TMEM132C: variants seen among roughly 807,000 people sequenced by gnomAD.
The protein encoded by TMEM132C is protein phosphatase 1, regulatory subunit 152.
Under a neutral mutation model 61.4 loss-of-function variants are expected in TMEM132C, and 29 were observed. The ratio of observed to expected loss-of-function variants is 0.47; its 90% CI spans 0.35 to 0.64. TMEM132C has a LOEUF of 0.64. Ranked by LOEUF, TMEM132C falls within the 30% of genes least tolerant of loss-of-function variation. The probability of loss-of-function intolerance (pLI) is 0.00; values close to 1 mark genes in which losing one functional copy is unlikely to be tolerated. For missense variants in TMEM132C, 1,408 were observed against 1,476.9 expected, an observed-to-expected ratio of 0.95 and a Z score of 0.76; for synonymous variants, 656 against 633.1, an observed-to-expected ratio of 1.04 and a Z score of -0.54.
In TMEM132C at chr12:128,545,326, T is replaced by C. The variant is rs114223083; in HGVS notation, c.1121+1223T>C. Among the ~76,000 whole-genome samples, 679 of 152,318 alleles carry C rather than the reference T, an allele frequency of 4.5e-3. 6 individuals carry two copies. The highest frequency in any genetic ancestry group is 0.015 in the African/African-American group (642 of 41,566). ...TTTGTTCTTTTTTATGGCTGTGTAGTAGTCTATGGTGGATGTATACCAGAT... is the reference window on the plus strand; with the variant it reads ...TTTGTTCTTTTTTATGGCTGTGTAGCAGTCTATGGTGGATGTATACCAGAT... On this transcript the variant is annotated intron_variant, in intron 3 of 8. Coordinates refer to ENST00000435159, the MANE Select transcript of TMEM132C (RefSeq NM_001136103.3).
At chr12:128,409,370 A>C (rs1219565965) in intron 1 of TMEM132C, among the ~76,000 whole-genome samples, 1 of 152,052 alleles carries the variant, frequency 6.6e-6, no homozygotes, top group African/African-American at 2.4e-5. Context: ...GAATCTTGTA[A>C]ATCAGGAATC....
At chr12:128,521,553 A>G (rs1177835847) in intron 2 of TMEM132C, among the ~76,000 whole-genome samples, 1 of 151,614 alleles carries the variant, frequency 6.6e-6, no homozygotes, top group Non-Finnish European at 1.5e-5. Context: ...ACCCTAACTA[A>G]TATGCACATA....
rs369681092 is a variant in TMEM132C at position 128,624,822 on chromosome 12, C to T, written c.1305+8487C>T. Among the ~76,000 whole-genome samples, 33 of 152,224 alleles carry T rather than the reference C, an allele frequency of 2.2e-4. No homozygotes were observed. In the East Asian group the frequency reaches 4.8e-3, roughly 22 times the overall value. On this transcript the variant is annotated intron_variant, in intron 4 of 8. Coordinates refer to ENST00000435159, the MANE Select transcript of TMEM132C (RefSeq NM_001136103.3). ...TACTACAGAATGTTCATCCATGTGC[C>T]GGTTAGAATCCTACTGAGTCGGGGA... is the stretch of plus-strand genomic sequence containing the variant.
rs531992322 is a variant in TMEM132C at position 128,664,048 on chromosome 12, G to A, written c.1306-5369G>A. 4.5e-4 allele frequency among the ~76,000 whole-genome samples: 41 copies of A among 92,078 alleles called. 1 individual carries two copies. The South Asian group carries it at 0.016, about 35-fold the overall frequency. The allele number at this position is 92,078 out of a possible 152,430, so 60.4% of individuals were successfully genotyped here. On this transcript the variant is annotated intron_variant, in intron 4 of 8. Transcript: ENST00000435159. Reference sequence around the variant, plus strand: ...GGCACACGCACCCACACGCACGCACGCGGGCACTCACAGGCACACACACAT... The same window carrying A: ...GGCACACGCACCCACACGCACGCACACGGGCACTCACAGGCACACACACAT...
intron 2 of TMEM132C, among the ~76,000 whole-genome samples, chr12:128,430,926 G>A (rs1458885566): frequency 1.3e-5 from 2 of 152,086 alleles, no homozygotes; most frequent in African/African-American, 2.4e-5. Context: ...ATTGAAATTA[G>A]GCTAATGAAT....
intron 1 of TMEM132C, among the ~76,000 whole-genome samples, chr12:128,391,793 C>G (rs908470209): frequency 6.6e-6 from 1 of 152,142 alleles, no homozygotes; most frequent in Non-Finnish European, 1.5e-5. Context: ...GCATTTTGTC[C>G]CCACACAGAC....
At chr12:128,474,380 A>G (rs11059708) in intron 2 of TMEM132C, among the ~76,000 whole-genome samples, 19,274 of 152,168 alleles carry the variant, frequency 0.13, 1,724 homozygotes, top group African/African-American at 0.25. Context: ...CAGCTCCCTC[A>G]ATTGTTGCTC....
chr12:128,583,996 A>G (rs2135561373), intron 3 of TMEM132C, among the ~76,000 whole-genome samples: 1 of 152,352 alleles, frequency 6.6e-6, no homozygotes, highest in South Asian at 2.1e-4. Flanking sequence ...AGAGGCAAAA[A>G]GAAAGCTCCA....
At chr12:128,544,135 G>A in intron 3 of TMEM132C, 32 bp downstream of exon 3, 2 of 1,477,666 alleles carry the variant, frequency 1.4e-6, no homozygotes, top group Non-Finnish European at 1.8e-6. Context: ...AGCGTGTGTG[G>A]TTCCTGGTCC....
At chr12:128,315,848 G>A (rs1339994457) in intron 1 of TMEM132C, among the ~76,000 whole-genome samples, 5 of 150,856 alleles carry the variant, frequency 3.3e-5, no homozygotes, top group African/African-American at 7.4e-5. Context: ...CTGGAGTGAC[G>A]CATCCACAAG....
chr12:128,612,889 C>A (rs778219301), intron 3 of TMEM132C, among the ~76,000 whole-genome samples: 1 of 152,214 alleles, frequency 6.6e-6, no homozygotes, highest in African/African-American at 2.4e-5. Flanking sequence ...GAGGAGGCTG[C>A]TCCTGGAGCA....
At chr12:128,617,576 G>A (rs1213748716) in intron 4 of TMEM132C, among the ~76,000 whole-genome samples, 1 of 152,134 alleles carries the variant, frequency 6.6e-6, no homozygotes, top group Non-Finnish European at 1.5e-5. Context: ...ATCAGGTGAG[G>A]CAGGTGTGAA....
intron 2 of TMEM132C, among the ~76,000 whole-genome samples, chr12:128,484,891 G>A (rs371537704): frequency 2.0e-4 from 31 of 152,144 alleles, no homozygotes; most frequent in East Asian, 5.8e-4. Flanking sequence ...CCAGGAGTTC[G>A]AGGCTGCAGT....
chr12:128,415,409 G>A lies in TMEM132C; in HGVS notation c.763G>A (p.Gly255Arg), dbSNP rs1461747395. Residue 255 changes from glycine (G) to arginine (R), a missense_variant, in exon 2 of 9, where the codon GGA becomes AGA. By Grantham distance (125) the Gly-to-Arg change is moderately radical. Coordinates refer to ENST00000435159, the MANE Select transcript of TMEM132C (RefSeq NM_001136103.3). This position sits in a 1 kb window ranked among gnomAD's most constrained non-coding sequence, Gnocchi z 5.8. ...DFRKGNAIRP[G>R]KDGLEETTSH... ...CAGGAAGGGCAACGCCATCCGTCCAGGAAAGGATGGGCTGGAGGAAACCAC... is the reference window on the plus strand; with the variant it reads ...CAGGAAGGGCAACGCCATCCGTCCAAGAAAGGATGGGCTGGAGGAAACCAC... 2 of 1,551,372 alleles carry A rather than the reference G, an allele frequency of 1.3e-6. No homozygotes were observed. The highest frequency in any genetic ancestry group is 1.7e-6 in the Non-Finnish European group (2 of 1,146,746).
At chr12:128,395,778 C>T (rs1434789455) in intron 1 of TMEM132C, among the ~76,000 whole-genome samples, 2 of 152,130 alleles carry the variant, frequency 1.3e-5, no homozygotes, top group African/African-American at 4.8e-5. Flanking sequence ...AAAAATCCTA[C>T]GTTGCAGTAT....
At chr12:128,661,024 AGAT>A (rs1386663399) in intron 4 of TMEM132C, among the ~76,000 whole-genome samples, 1 of 152,242 alleles carries the variant, frequency 6.6e-6, no homozygotes, top group Non-Finnish European at 1.5e-5. Flanking sequence ...CAGATTAGAT[AGAT>A]GATAGAAGAT....
chr12:128,387,140 CAAAAAAAAA>C (rs34160455), intron 1 of TMEM132C, among the ~76,000 whole-genome samples: 1 of 85,628 alleles, frequency 1.2e-5, no homozygotes, highest in African/African-American at 4.6e-5. Context: ...GACTCTGCCT[CAAAAAAAAA>C]AAAAAAAAAA....
chr12:128,528,825 A>G (rs570277683), intron 2 of TMEM132C, among the ~76,000 whole-genome samples: 3 of 152,284 alleles, frequency 2.0e-5, no homozygotes, highest in Admixed American at 6.5e-5. Flanking sequence ...TGGATAATTC[A>G]TAGCAGGATG....
intron 1 of TMEM132C, among the ~76,000 whole-genome samples, chr12:128,366,479 C>A (rs1168189683): frequency 6.6e-6 from 1 of 152,130 alleles, no homozygotes; most frequent in Non-Finnish European, 1.5e-5. Context: ...TTCTTATAGC[C>A]CCGGATCACA....
Sources: allele counts gnomAD v4.1 joint callset (sites outside exome capture counted in the v4.1 genomes callset), GRCh38; gene constraint gnomAD v4.1.1; non-coding constraint Gnocchi (gnomAD v3.1); transcripts MANE v1.5; gene names NCBI Gene and HGNC (gene_info 2026-07-23, HGNC 2026-07-21).